The following SMARCD1 variants were observed in gnomAD, a reference collection of about 807,000 sequenced individuals.
The protein encoded by SMARCD1 is SWI/SNF-related matrix-associated actin-dependent regulator of chromatin subfamily D member 1.
A neutral mutation model predicts 70.8 loss-of-function variants in SMARCD1; 16 were observed. The ratio of observed to expected loss-of-function variants is 0.23; its 90% CI spans 0.15 to 0.34. The LOEUF (loss-of-function observed/expected upper bound fraction) is 0.34. Ranked by LOEUF, SMARCD1 falls within the 10% of genes least tolerant of loss-of-function variation. The pLI is 1.00. For synonymous variants in SMARCD1, 249 were observed against 246.0 expected, an observed-to-expected ratio of 1.01 and a Z score of -0.11; for missense variants, 409 against 655.5, an observed-to-expected ratio of 0.62 and a Z score of 4.11.
chr12:50,088,718 TGGGGAG>T (rs1345126845), intron 6 of SMARCD1, 81 bp downstream of exon 6: 2 of 758,526 alleles, frequency 2.6e-6, no homozygotes, highest in Non-Finnish European at 4.5e-6. Context: ...TCTAAGGAGA[TGGGGAG>T]GTATAAAGTA....
intron 11 of SMARCD1, among the ~76,000 whole-genome samples, chr12:50,097,330 C>T (rs1195536860): frequency 1.3e-5 from 2 of 152,078 alleles, no homozygotes; most frequent in Non-Finnish European, 2.9e-5. Flanking sequence ...GCCGACGGAT[C>T]GCTTGAGGTC....
At chr12:50,093,905 C>T (rs1177534555) in intron 9 of SMARCD1, among the ~76,000 whole-genome samples, 1 of 152,048 alleles carries the variant, frequency 6.6e-6, no homozygotes, top group Non-Finnish European at 1.5e-5. Flanking sequence ...TCAGCTTCCC[C>T]AGTAGCTGGG....
chr12:50,090,292 A>T lies in SMARCD1; in HGVS notation c.925A>T (p.Thr309Ser). 6.2e-7 allele frequency: 1 copy of T among 1,614,018 alleles called. No individual in the cohort carries two copies. Among genetic ancestry groups the T allele is most frequent in the Non-Finnish European group, 8.5e-7 (1 of 1,179,974 alleles). ...CCTAGCTCGACTCCTGGGCATCCAT[A>T]CCCAGACTCGTCCAGTGATCATCCA... is the stretch of plus-strand genomic sequence containing the variant. ...PRLARLLGIH[T>S]QTRPVIIQAL... The change falls in exon 8 of 13, where the codon ACC (threonine) becomes TCC (serine). Residue 309 changes from threonine (T) to serine (S), a missense_variant. Transcript: ENST00000394963.
chr12:50,094,882 C>T (rs1183223313), intron 10 of SMARCD1, among the ~76,000 whole-genome samples: 1 of 152,212 alleles, frequency 6.6e-6, no homozygotes, highest in South Asian at 2.1e-4. Context: ...ACGGCAACCT[C>T]CACTTCCTGG....
In SMARCD1 at chr12:50,086,186, G is replaced by A. The variant is rs764685953; in HGVS notation, c.203G>A (p.Arg68Gln). Residue 68 changes from arginine to glutamine, a missense_variant, in exon 2 of 13, where the codon CGA becomes CAA. Around this residue, in one of 2 missense-constraint regions of SMARCD1, gnomAD observed 140 missense variants for 156.9 expected, o/e 0.89. Transcript: ENST00000394963. ...YPRPGMLPGS[R>Q]MTPQGPSMGP... The stretch of plus-strand genomic sequence containing the variant: ...AGACCAGGTATGTTGCCAGGCAGCC[G>A]AATGACACCTCAGGGACCTTCCATG... 7 of 1,576,310 alleles carry A rather than the reference G, an allele frequency of 4.4e-6. No individual in the cohort carries two copies. The highest frequency in any genetic ancestry group is 6.0e-6 in the Non-Finnish European group (7 of 1,158,844).
rs527458559 is a variant in SMARCD1, at chr12:50,096,921, C to T, written c.1341C>T (p.Asp447=). 6.2e-7 allele frequency: 1 copy of T among 1,613,998 alleles called. No homozygotes were observed. The highest frequency in any genetic ancestry group is 8.5e-7 in the Non-Finnish European group (1 of 1,179,880). The change falls in exon 11 of 13, where the codon GAC becomes GAT. Residue 447 remains aspartate (D), a synonymous_variant. Coordinates refer to ENST00000394963, the MANE Select transcript of SMARCD1 (RefSeq NM_003076.5). ...AGTTCATGCTGAGCTTTGCCAGAGACCCTCAGGGTTTCATCAATGACTGGC... is the reference window on the plus strand; with the variant it reads ...AGTTCATGCTGAGCTTTGCCAGAGATCCTCAGGGTTTCATCAATGACTGGC... ...QREFMLSFAR[D]PQGFINDWLQ...
In SMARCD1 at chr12:50,086,248, C is replaced by A; in HGVS notation, c.265C>A (p.Pro89Thr). Residue 89 changes from proline to threonine, a missense_variant, in exon 2 of 13, where the codon CCT becomes ACT. By Grantham distance (38) the Pro-to-Thr change is conservative. Coordinates refer to ENST00000394963, the MANE Select transcript of SMARCD1 (RefSeq NM_003076.5). ...PGYGGNPSVR[P>T]GLAQSGMDQS... ...CTATGGGGGGAACCCTTCAGTCCGA[C>A]CTGGCCTGGCCCAGTCAGGGATGGA... The A allele has an allele frequency of 6.2e-7, 1 of 1,613,514 alleles. No homozygotes were observed. Among genetic ancestry groups the A allele is most frequent in the East Asian group, 2.2e-5 (1 of 44,874 alleles).
Position 50,098,819 on chromosome 12 carries a change from A to G in SMARCD1, c.1494+4A>G, listed in dbSNP as rs1950914819. ...GTGCCGATACTTCTACTCCAAGGTA[A>G]GTACATGGGGTGCACGGGGGAAATT... On this transcript the variant is annotated splice_donor_region_variant and intron_variant, in intron 12 of 12. Coordinates refer to ENST00000394963, the MANE Select transcript of SMARCD1 (RefSeq NM_003076.5). 1.9e-6 allele frequency: 3 copies of G among 1,612,820 alleles called. No individual in the cohort carries two copies. The highest frequency in any genetic ancestry group is 2.7e-5 in the African/African-American group (2 of 74,910).
rs1207890425 is a variant in SMARCD1, at chr12:50,100,559, G to A, written c.*1559G>A. ...CTGTTGATAACTGTTTTTATTAACT[G>A]AATTGTTTTTTTCATGGACCAAACT... On this transcript the variant is annotated 3_prime_UTR_variant, in exon 13 of 13. Coordinates refer to ENST00000394963, the MANE Select transcript of SMARCD1 (RefSeq NM_003076.5). The A allele has an allele frequency of 2.5e-4, 38 of 152,610 alleles. No homozygotes were observed. The highest frequency in any genetic ancestry group is 2.5e-3 in the Admixed American group (38 of 15,278). The allele number at this position is 152,610 out of a possible 1,614,324, so 9.5% of individuals were successfully genotyped here.
In SMARCD1 at chr12:50,094,625, C is replaced by T. The variant is rs1245024448; in HGVS notation, c.1269+53C>T. ...GTACCACCAGCCCCTATCACAGCTT[C>T]AAGGCCTCCTTTTGATTCTTAGTGT... On this transcript the variant is annotated intron_variant, in intron 10 of 12. Transcript: ENST00000394963. The T allele has an allele frequency of 2.6e-6, 4 of 1,553,734 alleles. No homozygotes were observed. The African/African-American group carries it at 5.5e-5, about 21-fold the overall frequency.
intron 1 of SMARCD1, 171 bp from the exon 2 acceptor site, chr12:50,085,990 C>G (rs1301483698): frequency 4.5e-6 from 2 of 443,118 alleles, no homozygotes; most frequent in Non-Finnish European, 7.8e-6. Context: ...AGCTTTTGGA[C>G]TCTGTTTTTC....
rs760105360 is a variant in SMARCD1, at chr12:50,089,867, C to T, written c.772-17C>T. ...CTTCCTCTGGGAGAGCACCCCCTGA[C>T]ATCTTCCTCTCTGTAGTGGCACAGG... On this transcript the variant is annotated splice_polypyrimidine_tract_variant and intron_variant, in intron 6 of 12. Transcript: ENST00000394963. 9.4e-6 allele frequency: 15 copies of T among 1,589,952 alleles called. No homozygotes were observed. Among genetic ancestry groups the T allele is most frequent in the Non-Finnish European group, 1.3e-5 (15 of 1,158,852 alleles).
chr12:50,085,705 G>C, intron 1 of SMARCD1, 159 bp downstream of exon 1: 1 of 492,002 alleles, frequency 2.0e-6, no homozygotes, highest in Non-Finnish European at 3.1e-6. Flanking sequence ...GAGAGGGGGA[G>C]GCAGTTACAC....
chr12:50,092,306 C>T (rs1269188601), intron 9 of SMARCD1, among the ~76,000 whole-genome samples: 1 of 138,486 alleles, frequency 7.2e-6, no homozygotes, highest in African/African-American at 2.7e-5. Flanking sequence ...TCACTGCAAC[C>T]TCTGCCTCCT....
At chr12:50,093,302 C>A (rs1414608536) in intron 9 of SMARCD1, among the ~76,000 whole-genome samples, 1 of 151,512 alleles carries the variant, frequency 6.6e-6, no homozygotes, top group Non-Finnish European at 1.5e-5. Context: ...AATTCTCGTG[C>A]CTCAGCCTCC....
In SMARCD1 at chr12:50,099,070, T is replaced by C; in HGVS notation, c.*70T>C. 6.8e-7 allele frequency: 1 copy of C among 1,471,716 alleles called. No individual in the cohort carries two copies. The highest frequency in any genetic ancestry group is 9.5e-7 in the Non-Finnish European group (1 of 1,051,400). The allele number at this position is 1,471,716 out of a possible 1,614,324, so 91.2% of individuals were successfully genotyped here. ...GGGCCCTGTGCTGCCTGCCTCATAGTATCTGCCTTGGTCTTGCTTGGGGCG... is the reference window on the plus strand; with the variant it reads ...GGGCCCTGTGCTGCCTGCCTCATAGCATCTGCCTTGGTCTTGCTTGGGGCG... On this transcript the variant is annotated 3_prime_UTR_variant, in exon 13 of 13. Coordinates refer to ENST00000394963, the MANE Select transcript of SMARCD1 (RefSeq NM_003076.5).
At chr12:50,092,524 CTT>C (rs71441318) in intron 9 of SMARCD1, among the ~76,000 whole-genome samples, 49 of 136,306 alleles carry the variant, frequency 3.6e-4, no homozygotes, top group Admixed American at 5.1e-4. Flanking sequence ...ACCCGGTGGG[CTT>C]TTTTTTTTTT....
At chr12:50,092,235 C>CTTTTTTTTTTTTTT (rs60619880) in intron 9 of SMARCD1, among the ~76,000 whole-genome samples, 90 of 91,140 alleles carry the variant, frequency 9.9e-4, no homozygotes, top group East Asian at 2.9e-3. Flanking sequence ...TTCTTTCTTT[C>CTTTTTTTTTTTTTT]TTTTTTTTTT....
intron 10 of SMARCD1, among the ~76,000 whole-genome samples, chr12:50,095,162 G>A (rs1950881458): frequency 6.6e-6 from 1 of 152,194 alleles, no homozygotes; most frequent in South Asian, 2.1e-4. Context: ...AAAGACTTGA[G>A]ACTGTATCTG....
Sources: gnomAD v4.1 joint callset for allele counts (sites outside exome capture counted in the v4.1 genomes callset) on GRCh38, gnomAD v4.1.1 for gene constraint, gnomAD v4.1.1 regional missense constraint, MANE v1.5 for transcripts, NCBI Gene and HGNC (gene_info 2026-07-23, HGNC 2026-07-21) for gene names.